MYO9A: variants seen among roughly 807,000 people sequenced by gnomAD.
MYO9A encodes the protein myosin IXA.
MYO9A carries 103 observed loss-of-function variants against 293.3 expected under a neutral mutation model. The ratio of observed to expected loss-of-function variants is 0.35; its 90% confidence interval spans 0.30 to 0.41. The LOEUF is 0.41. Among genes scored for constraint, MYO9A ranks in the 10% least tolerant of loss-of-function variants. The pLI, the probability that MYO9A is intolerant of heterozygous loss-of-function variation, is 1.00. For synonymous variants in MYO9A, 1,001 were observed against 1,035.7 expected (o/e 0.97, Z 0.64); for missense variants, 2,685 against 3,033.0 (o/e 0.89, Z 2.69).
At chr15:71,978,108 A>G in intron 12 of MYO9A, 63 bp downstream of exon 12, 1 of 1,564,554 alleles carries the variant, frequency 6.4e-7, no homozygotes, top group South Asian at 1.2e-5. Context: ...AAAAAAGTTT[A>G]AACTTAAAAG....
At chr15:71,908,794 G>T (rs189220900) in intron 19 of MYO9A, among the ~76,000 whole-genome samples, 2 of 152,008 alleles carry the variant, frequency 1.3e-5, no homozygotes, top group African/African-American at 2.4e-5. Context: ...ATGCATTAGG[G>T]TTCACTCTTT....
chr15:71,901,684 G>A (rs1780947132), intron 22 of MYO9A, among the ~76,000 whole-genome samples: 1 of 151,408 alleles, frequency 6.6e-6, no homozygotes, highest in African/African-American at 2.4e-5. Flanking sequence ...AAAAAAGGAA[G>A]GTAAGGAAGG....
At chr15:72,084,559 G>A (rs987359629) in intron 1 of MYO9A, among the ~76,000 whole-genome samples, 2 of 152,206 alleles carry the variant, frequency 1.3e-5, no homozygotes, top group African/African-American at 4.8e-5. Context: ...CTGCTTTATA[G>A]TGTCACTGGT....
At chr15:71,830,564 G>C (rs2054681979) in intron 39 of MYO9A, among the ~76,000 whole-genome samples, 1 of 152,184 alleles carries the variant, frequency 6.6e-6, no homozygotes, top group Non-Finnish European at 1.5e-5. Context: ...GTACTGAGAT[G>C]AGTTTCTTCT....
At chr15:71,874,012 T>C (rs1008558429) in intron 32 of MYO9A, among the ~76,000 whole-genome samples, 7 of 152,184 alleles carry the variant, frequency 4.6e-5, no homozygotes, top group Admixed American at 2.0e-4. Flanking sequence ...GCTTAAGTTG[T>C]CCAGTGTTTC....
chr15:72,103,235 C>G (rs2080425184), intron 1 of MYO9A, among the ~76,000 whole-genome samples: 4 of 148,376 alleles, frequency 2.7e-5, no homozygotes, highest in Admixed American at 2.7e-4. Context: ...GAAGCAGCAG[C>G]AGAAGCAGCA....
Position 71,897,989 on chromosome 15 carries a change from T to C in MYO9A, c.4514A>G (p.Gln1505Arg), listed in dbSNP as rs1192519476. 2 of 1,614,054 alleles carry C rather than the reference T, an allele frequency of 1.2e-6. No homozygotes were observed. The highest frequency in any genetic ancestry group is 1.7e-6 in the Non-Finnish European group (2 of 1,180,046). ...TEKEERQKQL[Q>R]QQNEKEMMEQ... ...CATCATCTCTTTTTCATTCTGTTGC[T>C]GCAACTGTTTTTGCCTTTCTTCCTT... The change falls in exon 25 of 42, where the codon CAG (glutamine) becomes CGG (arginine). Residue 1505 changes from glutamine (Q) to arginine (R), a missense_variant. Physicochemically the swap from Gln to Arg is conservative, Grantham distance 43. Around this residue, in one of 10 missense-constraint regions of MYO9A, gnomAD observed 1,434 missense variants for 1,497.7 expected, o/e 0.96. Coordinates refer to ENST00000356056, the MANE Select transcript of MYO9A (RefSeq NM_006901.4).
At chr15:71,924,179 T>C (rs1270414914) in intron 18 of MYO9A, among the ~76,000 whole-genome samples, 1 of 152,070 alleles carries the variant, frequency 6.6e-6, no homozygotes, top group East Asian at 1.9e-4. Flanking sequence ...ATTTCTAGTT[T>C]AATCCCTTGT....
At chr15:72,037,822 T>G (rs1388326398) in intron 2 of MYO9A, among the ~76,000 whole-genome samples, 3 of 151,584 alleles carry the variant, frequency 2.0e-5, no homozygotes, top group African/African-American at 7.3e-5. Context: ...AGTACAAAAG[T>G]ATGGGCATGG....
chr15:71,935,293 CAA>C, intron 17 of MYO9A, 46 bp downstream of exon 17: 1 of 1,493,900 alleles, frequency 6.7e-7, no homozygotes, highest in South Asian at 1.4e-5. Context: ...TTAAACCAGA[CAA>C]AAAACAAAAA....
chr15:71,828,332 G>C (rs543822815), intron 40 of MYO9A, among the ~76,000 whole-genome samples: 53 of 152,248 alleles, frequency 3.5e-4, no homozygotes, highest in African/African-American at 1.2e-3. Flanking sequence ...CAGGAGATCA[G>C]GGCTCTAACC....
At chr15:71,959,873 T>C in intron 14 of MYO9A, 28 bp downstream of exon 14, 1 of 1,521,122 alleles carries the variant, frequency 6.6e-7, no homozygotes, top group South Asian at 1.2e-5. Context: ...AGATGAAGTA[T>C]GGTAGAATAC....
chr15:72,062,236 G>T (rs2078898453), intron 1 of MYO9A, among the ~76,000 whole-genome samples: 1 of 152,102 alleles, frequency 6.6e-6, no homozygotes, highest in African/African-American at 2.4e-5. Context: ...AAGGAGGACA[G>T]GTACAAAAAA....
Position 71,878,032 on chromosome 15 carries a change from A to AT in MYO9A, c.5931+7_5931+8insA, listed in dbSNP as rs774287563. The AT allele has an allele frequency of 3.2e-6, 5 of 1,568,240 alleles. No individual in the cohort carries two copies. The highest frequency in any genetic ancestry group is 4.3e-6 in the Non-Finnish European group (5 of 1,160,038). On this transcript the variant is annotated splice_region_variant and intron_variant, in intron 31 of 41. Transcript: ENST00000356056. ...ATCCTTTAAGTAATCAAAATATATC[A>AT]CATTTACCTTTGTGGCTGTGCAATC...
chr15:71,970,396 C>A (rs2075978944), intron 12 of MYO9A, among the ~76,000 whole-genome samples: 1 of 152,176 alleles, frequency 6.6e-6, no homozygotes, highest in African/African-American at 2.4e-5. Flanking sequence ...TAGAGCACTA[C>A]AAACACACTG....
At chr15:71,934,274 G>C (rs2058564397) in intron 17 of MYO9A, among the ~76,000 whole-genome samples, 1 of 152,102 alleles carries the variant, frequency 6.6e-6, no homozygotes, top group Non-Finnish European at 1.5e-5. Context: ...TATGGGCTGG[G>C]AAGTTAGAAA....
intron 32 of MYO9A, among the ~76,000 whole-genome samples, chr15:71,869,092 C>T (rs2056428567): frequency 6.6e-6 from 1 of 152,102 alleles, no homozygotes; most frequent in Non-Finnish European, 1.5e-5. Context: ...TATTTAGCAA[C>T]CATCACAGCA....
chr15:72,002,003 G>T lies in MYO9A; in HGVS notation c.1381-2063C>A, dbSNP rs559411924. 6.6e-5 allele frequency among the ~76,000 whole-genome samples: 10 copies of T among 152,286 alleles called. No homozygotes were observed. In the East Asian group the frequency reaches 1.9e-3, roughly 29 times the overall value. ...AAGTAAATATTGGCTGGGTGAGGTG[G>T]CTCACACCTATAATCCCAAGGCAGT... On this transcript the variant is annotated intron_variant, in intron 8 of 41. Transcript: ENST00000356056.
rs1320942787 is a variant in MYO9A, at chr15:71,862,601, T to A, written c.5990A>T (p.His1997Leu). 1.2e-6 allele frequency: 2 copies of A among 1,608,792 alleles called. No individual in the cohort carries two copies. The highest frequency in any genetic ancestry group is 1.3e-5 in the African/African-American group (1 of 74,920). The part of the protein sequence containing the change: ...RKKETDLVEE[H>L]NGHIFKATQY... ...GGTGGCTTTAAAGATGTGACCATTGTGTTCTTCCACCTGAATGAAAAAATT... is the reference window on the plus strand; with the variant it reads ...GGTGGCTTTAAAGATGTGACCATTGAGTTCTTCCACCTGAATGAAAAAATT... Residue 1997 changes from histidine (H) to leucine (L), a missense_variant, in exon 33 of 42, where the codon CAC becomes CTC. Around this residue, in one of 10 missense-constraint regions of MYO9A, gnomAD observed 1,434 missense variants for 1,497.7 expected, o/e 0.96. Coordinates refer to ENST00000356056, the MANE Select transcript of MYO9A (RefSeq NM_006901.4).
Sources: gnomAD v4.1 joint callset for allele counts (sites outside exome capture counted in the v4.1 genomes callset) on GRCh38, gnomAD v4.1.1 for gene constraint, gnomAD v4.1.1 regional missense constraint, MANE v1.5 for transcripts, NCBI Gene and HGNC (gene_info 2026-07-23, HGNC 2026-07-21) for gene names.